Variants in BRME1 observed in about 807,000 individuals in gnomAD.
BRME1 encodes the protein BRCA2 and MEILB2-associating protein 1.
In BRME1, 31 loss-of-function variants were observed where a neutral mutation model predicts 52.6. That is an observed-to-expected ratio of 0.59 (90% CI 0.44 to 0.80). The LOEUF is 0.80. Ranked by LOEUF, BRME1 falls within the 30% of genes least tolerant of loss-of-function variation. BRME1 has a pLI of 0.00. For missense variants in BRME1, 804 were observed against 860.3 expected (o/e 0.93, Z 0.82); for synonymous variants, 359 against 353.6 (o/e 1.02, Z -0.17).
Position 13,883,763 on chromosome 19 carries a change from C to T in BRME1, c.1764-363G>A, listed in dbSNP as rs942062278. 6.6e-6 allele frequency among the ~76,000 whole-genome samples: 1 copy of T among 151,900 alleles called. No individual in the cohort carries two copies. Among genetic ancestry groups the T allele is most frequent in the Non-Finnish European group, 1.5e-5 (1 of 67,960 alleles). The stretch of plus-strand genomic sequence containing the variant: ...ACCACCTGCCTGCCCCGTGCCCTCC[C>T]CTCATCCCCCGCTTCTCCCCTCCCC... On this transcript the variant is annotated intron_variant, in intron 7 of 8. Transcript: ENST00000586783. This position sits in a 1 kb window ranked among gnomAD's most constrained non-coding sequence, Gnocchi z 4.2.
chr19:13,889,800 C>G lies in BRME1; in HGVS notation c.1056G>C (p.Arg352Ser), dbSNP rs747605182. The change falls in exon 6 of 9, where the codon AGG becomes AGC. Residue 352 changes from arginine (R) to serine (S), a missense_variant. By Grantham distance (110) the Arg-to-Ser change is moderately radical. Coordinates refer to ENST00000586783, the MANE Select transcript of BRME1 (RefSeq NM_001345843.2). ...LSTDPTELEE[R>S]ALEVAGPDGQ... The stretch of plus-strand genomic sequence containing the variant: ...CATCGGGCCCAGCCACCTCCAGAGC[C>G]CTCTCTTCCAGCTCAGTGGGGTCTG... 1.2e-6 allele frequency: 2 copies of G among 1,612,820 alleles called. No individual in the cohort carries two copies. Among genetic ancestry groups the G allele is most frequent in the African/African-American group, 2.7e-5 (2 of 74,946 alleles).
rs762389939 is a variant in BRME1 at position 13,889,545 on chromosome 19, A to G, written c.1311T>C (p.His437=). The stretch of plus-strand genomic sequence containing the variant: ...CACATGGACCTGTGTCCGGGGATGC[A>G]TGACCGGAATCTCCAGCACCCATCA... ...ESMMGAGDSG[H]ASPDTGPCVN... is the part of the protein sequence containing the mutation. The change falls in exon 6 of 9, where the codon CAT becomes CAC. Residue 437 remains histidine (H), a synonymous_variant. Coordinates refer to ENST00000586783, the MANE Select transcript of BRME1 (RefSeq NM_001345843.2). The G allele has an allele frequency of 4.6e-5, 74 of 1,613,612 alleles. No individual in the cohort carries two copies. The South Asian group carries it at 7.7e-4, about 17-fold the overall frequency.
rs1413708693 is a variant in BRME1, at chr19:13,882,621, CCTT to C, written c.*178_*180del. ...CCCTGAAGCCAAGGGTGGCAAATGACCTTGACCCTGGCCAGGTGAGGCCAGGAC... is the reference window on the plus strand; with the variant it reads ...CCCTGAAGCCAAGGGTGGCAAATGACGACCCTGGCCAGGTGAGGCCAGGAC... On this transcript the variant is annotated 3_prime_UTR_variant, in exon 9 of 9. Transcript: ENST00000586783. 12 of 729,496 alleles carry C rather than the reference CCTT, an allele frequency of 1.6e-5. No homozygotes were observed. In the African/African-American group the frequency reaches 2.1e-4, roughly 13 times the overall value. The allele number at this position is 729,496 out of a possible 1,614,324, so 45.2% of individuals were successfully genotyped here.
intron 5 of BRME1, 25 bp from the exon 6 acceptor site, chr19:13,890,487 C>T (rs1235498930): frequency 2.1e-6 from 3 of 1,455,056 alleles, no homozygotes; most frequent in Non-Finnish European, 2.7e-6. Flanking sequence ...AGACTCAGCC[C>T]CGGGGCCTTT....
At chr19:13,904,170 T>C (rs1970487007) in intron 2 of BRME1, among the ~76,000 whole-genome samples, 1 of 151,962 alleles carries the variant, frequency 6.6e-6, no homozygotes. Context: ...AGTGGTACGA[T>C]CTGGATTCAC....
At chr19:13,889,130 T>G in intron 6 of BRME1, 58 bp downstream of exon 6, 1 of 1,451,934 alleles carries the variant, frequency 6.9e-7, no homozygotes, top group Non-Finnish European at 9.3e-7. Flanking sequence ...GGAGGGGGCT[T>G]GTGGAGGTTG....
At position 13,889,637 on chromosome 19, in the gene BRME1, G is replaced by C. The variant is rs145714071; in HGVS notation, c.1219C>G (p.Pro407Ala). 828 of 1,607,664 alleles carry C rather than the reference G, an allele frequency of 5.2e-4. 4 individuals are homozygous for C. In the African/African-American group the frequency reaches 9.8e-3, roughly 19 times the overall value. The change falls in exon 6 of 9, where the codon CCC becomes GCC. Residue 407 changes from proline (P) to alanine (A), a missense_variant. Transcript: ENST00000586783. ...GGGCCCACTAGGACATCGCCGGGGG[G>C]CTTGCCATCCTGCCCTGCCTCCCCA... ...ESGEAGQDGK[P>A]PGDVLVGPTA...
intron 2 of BRME1, among the ~76,000 whole-genome samples, chr19:13,902,757 T>G (rs748182029): frequency 6.6e-6 from 1 of 151,292 alleles, no homozygotes; most frequent in Non-Finnish European, 1.5e-5. Context: ...ACCCTGACTC[T>G]ACTAAAAAAA....
In BRME1 at chr19:13,893,839, C is replaced by T. The variant is rs1446228392; in HGVS notation, c.207-616G>A. On this transcript the variant is annotated intron_variant, in intron 3 of 8. Coordinates refer to ENST00000586783, the MANE Select transcript of BRME1 (RefSeq NM_001345843.2). ...GGCTGAAATGTCACGATCATCTGAGCCAGGGGAGTTCAGGCTGCAATGAGC... is the reference window on the plus strand; with the variant it reads ...GGCTGAAATGTCACGATCATCTGAGTCAGGGGAGTTCAGGCTGCAATGAGC... Among the ~76,000 whole-genome samples the T allele has an allele frequency of 6.6e-5, 10 of 151,946 alleles. 1 individual carries two copies. Among genetic ancestry groups the T allele is most frequent in the Admixed American group, 6.6e-4 (10 of 15,218 alleles).
rs539117698 is a variant in BRME1 at position 13,888,564 on chromosome 19, C to T, written c.1668+624G>A. 1.1e-3 allele frequency among the ~76,000 whole-genome samples: 172 copies of T among 152,332 alleles called. 1 individual carries two copies. The highest frequency in any genetic ancestry group is 7.9e-4 in the Non-Finnish European group (54 of 68,012). On this transcript the variant is annotated intron_variant, in intron 6 of 8. Coordinates refer to ENST00000586783, the MANE Select transcript of BRME1 (RefSeq NM_001345843.2). The surrounding 1 kb of genome is among the most constrained non-coding windows in gnomAD (Gnocchi z 4.1). ...GCCCAGACAGGAGAATGAACGCCAA[C>T]GGCTGGCACCGGCTCTGGAGCCAGA...
At chr19:13,885,289 C>T (rs1393264451) in intron 7 of BRME1, 1 of 152,426 alleles carries the variant, frequency 6.6e-6, no homozygotes, top group African/African-American at 2.4e-5. Flanking sequence ...AAGCTGCCGC[C>T]TCTGCAGAGA....
rs371063615 is a variant in BRME1 at position 13,895,568 on chromosome 19, A to G, written c.32-22T>C. On this transcript the variant is annotated intron_variant, in intron 2 of 8. Coordinates refer to ENST00000586783, the MANE Select transcript of BRME1 (RefSeq NM_001345843.2). ...TCTCCTGTTTTAGAGACAGAGGAAGATGAAGGGGTGGGGGATACAGCCACT... is the reference window on the plus strand; with the variant it reads ...TCTCCTGTTTTAGAGACAGAGGAAGGTGAAGGGGTGGGGGATACAGCCACT... The G allele has an allele frequency of 3.1e-6, 5 of 1,601,520 alleles. No individual in the cohort carries two copies. The African/African-American group carries it at 4.0e-5, about 13-fold the overall frequency.
Position 13,882,936 on chromosome 19 carries a change from T to C in BRME1, c.1873A>G (p.Thr625Ala). Residue 625 changes from threonine (T) to alanine (A), a missense_variant, in exon 9 of 9, where the codon ACC becomes GCC. By Grantham distance (58) the Thr-to-Ala change is moderately conservative. Transcript: ENST00000586783. ...LSNLNRLIMG[T>A]HRDLEAFKRL... is the part of the protein sequence containing the mutation. ...TTGAAAGCTTCCAGGTCCCGGTGGGTGCCCATGATCAGCCGGCTGTGGGGG... is the reference window on the plus strand; with the variant it reads ...TTGAAAGCTTCCAGGTCCCGGTGGGCGCCCATGATCAGCCGGCTGTGGGGG... The C allele has an allele frequency of 4.3e-6, 7 of 1,612,886 alleles. No individual in the cohort carries two copies. The highest frequency in any genetic ancestry group is 5.9e-6 in the Non-Finnish European group (7 of 1,179,794).
intron 2 of BRME1, among the ~76,000 whole-genome samples, chr19:13,903,384 GTC>G (rs1970425177): frequency 6.6e-6 from 1 of 151,794 alleles, no homozygotes; most frequent in Non-Finnish European, 1.5e-5. Flanking sequence ...ACCAAAAAAA[GTC>G]TCTAGGCCGG....
chr19:13,888,802 C>A lies in BRME1; in HGVS notation c.1668+386G>T, dbSNP rs1007642660. ...GCCCAGGTATAAAGCCATCCCCAGG[C>A]CCAGCTTCTCTCCATCTGTGTCTAC... is the stretch of plus-strand genomic sequence containing the variant. On this transcript the variant is annotated intron_variant, in intron 6 of 8. Transcript: ENST00000586783. This position sits in a 1 kb window ranked among gnomAD's most constrained non-coding sequence, Gnocchi z 4.1. 6.6e-6 allele frequency among the ~76,000 whole-genome samples: 1 copy of A among 152,132 alleles called. No individual in the cohort carries two copies. The highest frequency in any genetic ancestry group is 1.5e-5 in the Non-Finnish European group (1 of 68,008).
chr19:13,892,403 T>C (rs1969567176), intron 5 of BRME1, among the ~76,000 whole-genome samples: 2 of 151,938 alleles, frequency 1.3e-5, no homozygotes, highest in South Asian at 2.1e-4. Context: ...CTGGCCAACA[T>C]GGTAAAACCC....
intron 3 of BRME1, among the ~76,000 whole-genome samples, chr19:13,894,597 T>C (rs1232031210): frequency 2.6e-5 from 4 of 152,182 alleles, no homozygotes; most frequent in African/African-American, 9.7e-5. Context: ...CTTGTAGATA[T>C]GGGGTCATCC....
At position 13,890,002 on chromosome 19, in the gene BRME1, G is replaced by A; in HGVS notation, c.854C>T (p.Thr285Ile). ...GVPCTPASAP[T>I]SGPAPGLGPA... ...GCCCAGTCCTGGAGCAGGGCCTGAGGTAGGAGCTGATGCTGGGGTACAGGG... is the reference window on the plus strand; with the variant it reads ...GCCCAGTCCTGGAGCAGGGCCTGAGATAGGAGCTGATGCTGGGGTACAGGG... The change falls in exon 6 of 9, where the codon ACC (threonine) becomes ATC (isoleucine). Residue 285 changes from threonine (T) to isoleucine (I), a missense_variant. Physicochemically the swap from Thr to Ile is moderately conservative, Grantham distance 89. Coordinates refer to ENST00000586783, the MANE Select transcript of BRME1 (RefSeq NM_001345843.2). 1 of 1,613,132 alleles carries A rather than the reference G, an allele frequency of 6.2e-7. No homozygotes were observed. The highest frequency in any genetic ancestry group is 1.1e-5 in the South Asian group (1 of 91,082).
Position 13,889,445 on chromosome 19 carries a change from C to T in BRME1, c.1411G>A (p.Glu471Lys), listed in dbSNP as rs527426427. ...LGGQNLERDL[E>K]GFRVSPQASV... ...GCTTGCGGGGACACACGGAACCCCT[C>T]GAGGTCTCGTTCGAGGTTCTGGCCA... Residue 471 changes from glutamate to lysine, a missense_variant, in exon 6 of 9, where the codon GAG becomes AAG. By Grantham distance (56) the Glu-to-Lys change is moderately conservative. Coordinates refer to ENST00000586783, the MANE Select transcript of BRME1 (RefSeq NM_001345843.2). The T allele has an allele frequency of 6.2e-6, 10 of 1,613,988 alleles. No individual in the cohort carries two copies. The highest frequency in any genetic ancestry group is 4.5e-5 in the East Asian group (2 of 44,880).
Sources: gnomAD v4.1 joint callset for allele counts (sites outside exome capture counted in the v4.1 genomes callset) on GRCh38, gnomAD v4.1.1 for gene constraint, Gnocchi (gnomAD v3.1) non-coding constraint, MANE v1.5 for transcripts, NCBI Gene and HGNC (gene_info 2026-07-23, HGNC 2026-07-21) for gene names.